The following SEMA6A variants were observed in gnomAD, a reference collection of about 807,000 sequenced individuals.
SEMA6A encodes semaphorin-6A.
In SEMA6A, 25 loss-of-function variants were observed where a neutral mutation model predicts 96.8. The observed-to-expected ratio is 0.26, with a 90% CI of 0.19 to 0.36. The LOEUF is 0.36. SEMA6A is among the 10% of genes least tolerant of loss of function. SEMA6A has a pLI of 1.00. For missense variants in SEMA6A, 1,363 were observed against 1,323.1 expected (o/e 1.03, Z -0.47); for synonymous variants, 612 against 518.0 (o/e 1.18, Z -2.46).
At chr5:116,453,557 T>C (rs1754785352) in intron 18 of SEMA6A, among the ~76,000 whole-genome samples, 2 of 152,114 alleles carry the variant, frequency 1.3e-5, no homozygotes, top group South Asian at 4.1e-4. Flanking sequence ...GAAATACCAT[T>C]TGGAAGGCTG....
intron 1 of SEMA6A, among the ~76,000 whole-genome samples, chr5:116,546,651 G>A (rs1224658277): frequency 6.6e-6 from 1 of 152,180 alleles, no homozygotes; most frequent in African/African-American, 2.4e-5. Flanking sequence ...GCTGACTGTA[G>A]GGATGTAACT....
chr5:116,474,278 GCACACACACACACA>G (rs113731062), intron 16 of SEMA6A, among the ~76,000 whole-genome samples: 3 of 147,300 alleles, frequency 2.0e-5, no homozygotes, highest in Non-Finnish European at 3.0e-5. Context: ...GTGCACGCAT[GCACACACACACACA>G]CACACACACA....
chr5:116,568,164 T>G (rs1761084017), intron 1 of SEMA6A, among the ~76,000 whole-genome samples: 1 of 152,174 alleles, frequency 6.6e-6, no homozygotes. Context: ...GGGTCCAGAG[T>G]GGGAAAGAGG....
chr5:116,480,410 A>C (rs1561485494), intron 11 of SEMA6A, 133 bp from the exon 12 acceptor site: 3 of 1,036,916 alleles, frequency 2.9e-6, no homozygotes, highest in Non-Finnish European at 4.2e-6. Flanking sequence ...GAAGTTGAAC[A>C]ATGCAGAATG....
chr5:116,541,752 G>C (rs1346208422), intron 1 of SEMA6A, among the ~76,000 whole-genome samples: 1 of 152,176 alleles, frequency 6.6e-6, no homozygotes, highest in African/African-American at 2.4e-5. Flanking sequence ...AGAATCATTT[G>C]AACCTGGGAG....
At chr5:116,470,420 G>A (rs917396694) in intron 17 of SEMA6A, among the ~76,000 whole-genome samples, 3 of 152,130 alleles carry the variant, frequency 2.0e-5, no homozygotes, top group African/African-American at 7.2e-5. Flanking sequence ...TGGAGCTTAT[G>A]CTTTATCATT....
chr5:116,551,880 T>C (rs1179138428), intron 1 of SEMA6A, among the ~76,000 whole-genome samples: 2 of 152,236 alleles, frequency 1.3e-5, no homozygotes, highest in Non-Finnish European at 2.9e-5. Flanking sequence ...ACTGACAATG[T>C]AACGTATCAG....
intron 1 of SEMA6A, among the ~76,000 whole-genome samples, chr5:116,515,543 G>C (rs377617155): frequency 7.1e-4 from 108 of 152,294 alleles, no homozygotes; most frequent in African/African-American, 2.5e-3. Context: ...TATCTGGAGA[G>C]TGACTTTAAA....
chr5:116,482,103 G>A (rs1201121318), intron 11 of SEMA6A, among the ~76,000 whole-genome samples: 2 of 151,980 alleles, frequency 1.3e-5, no homozygotes, highest in Non-Finnish European at 2.9e-5. Flanking sequence ...AAGAAGCAGC[G>A]GAAATCACCA....
In SEMA6A at chr5:116,494,926, A is replaced by G. The variant is rs145219825; in HGVS notation, c.444+487T>C. Reference sequence around the variant, plus strand: ...TTTTTCCAGCCCTTGCATAAAGCCAAAGTAAGCAAGGCCGTGGTCAAGAAA... The same window carrying G: ...TTTTTCCAGCCCTTGCATAAAGCCAGAGTAAGCAAGGCCGTGGTCAAGAAA... On this transcript the variant is annotated intron_variant, in intron 6 of 18. Transcript: ENST00000343348. Among the ~76,000 whole-genome samples, 259 of 127,630 alleles carry G rather than the reference A, an allele frequency of 2.0e-3. 1 individual carries two copies. Among genetic ancestry groups the G allele is most frequent in the African/African-American group, 6.2e-3 (248 of 39,934 alleles). The allele number at this position is 127,630 out of a possible 152,430, so 83.7% of individuals were successfully genotyped here. A position where few individuals can be genotyped will look rare whatever the true frequency, so the allele number is the denominator to read the frequency against.
intron 3 of SEMA6A, 38 bp from the exon 4 acceptor site, chr5:116,497,425 G>T (rs778637816): frequency 1.6e-6 from 2 of 1,282,016 alleles, no homozygotes; most frequent in Admixed American, 1.9e-5. Flanking sequence ...GTCAAACACA[G>T]AGTCAAAACA....
intron 6 of SEMA6A, 113 bp downstream of exon 6, chr5:116,495,300 G>A: frequency 4.0e-6 from 3 of 747,770 alleles, no homozygotes; most frequent in Non-Finnish European, 7.1e-6. Flanking sequence ...TTGAACAAGT[G>A]AGAGGAACTC....
chr5:116,500,209 T>A (rs974475467), intron 3 of SEMA6A, among the ~76,000 whole-genome samples: 1 of 152,208 alleles, frequency 6.6e-6, no homozygotes, highest in African/African-American at 2.4e-5. Flanking sequence ...GCAACAGCTA[T>A]TACAAGGGTA....
chr5:116,539,428 T>C (rs938833280), intron 1 of SEMA6A, among the ~76,000 whole-genome samples: 2 of 152,306 alleles, frequency 1.3e-5, no homozygotes, highest in Admixed American at 1.3e-4. Context: ...AAACAAATCA[T>C]TGATAGTCAT....
intron 7 of SEMA6A, among the ~76,000 whole-genome samples, chr5:116,490,520 G>A (rs986154311): frequency 6.6e-6 from 1 of 152,178 alleles, no homozygotes; most frequent in African/African-American, 2.4e-5. Flanking sequence ...GTATGCTCAA[G>A]TACTCTTTCC....
Position 116,446,958 on chromosome 5 carries a change from A to G in SEMA6A, c.2748T>C (p.Tyr916=). 2 of 1,613,826 alleles carry G rather than the reference A, an allele frequency of 1.2e-6. No individual in the cohort carries two copies. Among genetic ancestry groups the G allele is most frequent in the Non-Finnish European group, 1.7e-6 (2 of 1,179,860 alleles). ...MHHSSSYGVD[Y]KRSYPTNSLT... is the part of the protein sequence containing the mutation. ...GCGAGTTCGTGGGGTAGCTCCTCTT[A>G]TAGTCAACCCCGTAGGAAGAGGAGT... Residue 916 remains tyrosine, a synonymous_variant, in exon 19 of 19, where the codon TAT becomes TAC. Transcript: ENST00000343348.
intron 3 of SEMA6A, among the ~76,000 whole-genome samples, chr5:116,499,500 A>G (rs982175438): frequency 6.6e-6 from 1 of 152,214 alleles, no homozygotes; most frequent in African/African-American, 2.4e-5. Flanking sequence ...TCTCAGAGCA[A>G]TGTTGAGAAG....
At chr5:116,565,660 G>A (rs1477495320) in intron 1 of SEMA6A, among the ~76,000 whole-genome samples, 1 of 152,212 alleles carries the variant, frequency 6.6e-6, no homozygotes, top group Non-Finnish European at 1.5e-5. Flanking sequence ...TTTTAAAATA[G>A]TGAAAGGCTT....
At chr5:116,524,775 C>CACACACAGACACACACACACACAG (rs1554090330) in intron 1 of SEMA6A, among the ~76,000 whole-genome samples, 43 of 145,680 alleles carry the variant, frequency 3.0e-4, no homozygotes, top group Admixed American at 1.5e-3. Flanking sequence ...TATGTATACA[C>CACACACAGACACACACACACACAG]ACACACACAC....
Sources: gnomAD v4.1 joint callset for allele counts (sites outside exome capture counted in the v4.1 genomes callset) on GRCh38, gnomAD v4.1.1 for gene constraint, MANE v1.5 for transcripts, NCBI Gene and HGNC (gene_info 2026-07-23, HGNC 2026-07-21) for gene names.